GPR158: variants seen among roughly 807,000 people sequenced by gnomAD.
GPR158 encodes the protein G protein-coupled receptor 158.
GPR158 carries 30 observed loss-of-function variants against 78.2 expected under a neutral mutation model. The observed-to-expected ratio is 0.38, with a 90% CI of 0.29 to 0.52. GPR158 has a LOEUF of 0.52. Ranked by LOEUF, GPR158 falls within the 20% of genes least tolerant of loss-of-function variation. GPR158 has a pLI of 0.83. For synonymous variants in GPR158, 581 were observed against 591.1 expected, an observed-to-expected ratio of 0.98 and a Z score of 0.25; for missense variants, 1,463 against 1,523.5, an observed-to-expected ratio of 0.96 and a Z score of 0.66.
intron 3 of GPR158, among the ~76,000 whole-genome samples, chr10:25,403,968 A>G (rs1378736391): frequency 6.6e-6 from 1 of 152,052 alleles, no homozygotes; most frequent in African/African-American, 2.4e-5. Context: ...CATGGCCCCT[A>G]TCTCAAAGAA....
At chr10:25,570,223 T>C (rs925995495) in intron 6 of GPR158, among the ~76,000 whole-genome samples, 3 of 152,262 alleles carry the variant, frequency 2.0e-5, no homozygotes, top group Non-Finnish European at 4.4e-5. Context: ...TTTAATCTGC[T>C]AATTACAATG....
intron 2 of GPR158, among the ~76,000 whole-genome samples, chr10:25,323,345 G>C (rs1854982747): frequency 6.6e-6 from 1 of 152,084 alleles, no homozygotes; most frequent in South Asian, 2.1e-4. Flanking sequence ...AAAGTCACCA[G>C]CTGCATTAGA....
At chr10:25,554,755 G>A in intron 6 of GPR158, among the ~76,000 whole-genome samples, 1 of 152,160 alleles carries the variant, frequency 6.6e-6, no homozygotes, top group East Asian at 1.9e-4. Flanking sequence ...GGGGTTCGGG[G>A]TGAAGTGGCC....
chr10:25,338,621 A>ATATATATTATT (rs1855260757), intron 2 of GPR158, among the ~76,000 whole-genome samples: 1 of 54,384 alleles, frequency 1.8e-5, no homozygotes, highest in African/African-American at 3.2e-5. Flanking sequence ...AAATCATATA[A>ATATATATTATT]ATATATAAGC....
At chr10:25,428,447 A>G (rs10764552) in intron 4 of GPR158, among the ~76,000 whole-genome samples, 126,248 of 151,970 alleles carry the variant, frequency 0.83, 53,582 homozygotes, top group African/African-American at 0.91. Flanking sequence ...AGTGGCTAAC[A>G]TATTTTGGAC....
At chr10:25,439,604 C>A (rs924785148) in intron 4 of GPR158, among the ~76,000 whole-genome samples, 1 of 152,140 alleles carries the variant, frequency 6.6e-6, no homozygotes, top group Non-Finnish European at 1.5e-5. Context: ...CATTTTGAAG[C>A]TTCCTATTAT....
At chr10:25,293,859 C>A (rs1588780430) in intron 2 of GPR158, among the ~76,000 whole-genome samples, 1 of 151,960 alleles carries the variant, frequency 6.6e-6, no homozygotes, top group South Asian at 2.1e-4. Flanking sequence ...GATTCTCCTG[C>A]CTCAGCCTCC....
chr10:25,459,838 T>A (rs1416361920), intron 4 of GPR158, among the ~76,000 whole-genome samples: 1 of 152,182 alleles, frequency 6.6e-6, no homozygotes, highest in African/African-American at 2.4e-5. Flanking sequence ...TTGACATATT[T>A]TTTTGTCTAT....
chr10:25,498,945 C>T (rs1014923711), intron 5 of GPR158, among the ~76,000 whole-genome samples: 5 of 152,228 alleles, frequency 3.3e-5, no homozygotes, highest in Admixed American at 1.3e-4. Flanking sequence ...ACCCTACAAG[C>T]CTGCAGGGCC....
intron 2 of GPR158, among the ~76,000 whole-genome samples, chr10:25,279,863 A>G (rs1831919): frequency 0.18 from 26,709 of 152,000 alleles, 3,846 homozygotes; most frequent in African/African-American, 0.38. Context: ...ATTTGAGTCC[A>G]GATAATCTGG....
At chr10:25,191,844 C>G (rs1490494498) in intron 1 of GPR158, among the ~76,000 whole-genome samples, 1 of 152,126 alleles carries the variant, frequency 6.6e-6, no homozygotes, top group Non-Finnish European at 1.5e-5. Context: ...CTGTATACTC[C>G]TGTTTCTCCC....
intron 1 of GPR158, among the ~76,000 whole-genome samples, chr10:25,206,473 T>C (rs1024891272): frequency 1.9e-4 from 29 of 152,152 alleles, no homozygotes; most frequent in Admixed American, 6.5e-5. Context: ...TATAAAAATA[T>C]TTATTCACTT....
At chr10:25,471,089 C>T (rs1835492702) in intron 5 of GPR158, among the ~76,000 whole-genome samples, 1 of 151,828 alleles carries the variant, frequency 6.6e-6, no homozygotes, top group African/African-American at 2.4e-5. Flanking sequence ...GGTATATCTC[C>T]TAATGCTATC....
intron 5 of GPR158, among the ~76,000 whole-genome samples, chr10:25,531,726 C>A (rs1836425795): frequency 6.6e-6 from 1 of 152,208 alleles, no homozygotes; most frequent in Non-Finnish European, 1.5e-5. Flanking sequence ...TTGCATCAAT[C>A]TTTAAGGAAT....
At chr10:25,227,752 T>C (rs1445921726) in intron 2 of GPR158, among the ~76,000 whole-genome samples, 10 of 152,150 alleles carry the variant, frequency 6.6e-5, no homozygotes, top group African/African-American at 2.2e-4. Flanking sequence ...AACTTAGAAA[T>C]ATACCAATTG....
intron 2 of GPR158, among the ~76,000 whole-genome samples, chr10:25,352,457 G>T (rs1040680551): frequency 6.6e-6 from 1 of 151,978 alleles, no homozygotes; most frequent in Admixed American, 6.6e-5. Context: ...TTAGTTTTTA[G>T]AACCTTCCAC....
At chr10:25,578,098 A>G (rs1180492385) in intron 7 of GPR158, among the ~76,000 whole-genome samples, 6 of 152,236 alleles carry the variant, frequency 3.9e-5, no homozygotes, top group African/African-American at 4.8e-5. Flanking sequence ...TATAATAACA[A>G]TACATACTAT....
intron 2 of GPR158, among the ~76,000 whole-genome samples, chr10:25,295,913 T>C (rs1192357311): frequency 6.6e-6 from 1 of 152,176 alleles, no homozygotes; most frequent in South Asian, 2.1e-4. Flanking sequence ...AGGCCTTCCC[T>C]GAATCCCCCG....
At chr10:25,595,912 G>C (rs1357048017) in intron 9 of GPR158, among the ~76,000 whole-genome samples, 1 of 152,146 alleles carries the variant, frequency 6.6e-6, no homozygotes, top group Non-Finnish European at 1.5e-5. Context: ...TCAATAAAAA[G>C]AGAATGTTAA....
Sources: allele counts gnomAD v4.1 joint callset (sites outside exome capture counted in the v4.1 genomes callset), GRCh38; gene constraint gnomAD v4.1.1; transcripts MANE v1.5; gene names NCBI Gene and HGNC (gene_info 2026-07-23, HGNC 2026-07-21).